Variants in SHC4 observed in about 807,000 individuals in gnomAD.
SHC4 encodes SHC-transforming protein 4.
SHC4 carries 41 observed loss-of-function variants against 69.4 expected under a neutral mutation model. The observed-to-expected ratio is 0.59, with a 90% CI of 0.46 to 0.77. SHC4 has a LOEUF of 0.77. Among genes scored for constraint, SHC4 ranks in the 30% least tolerant of loss-of-function variants. The pLI, the probability that SHC4 is intolerant of heterozygous loss-of-function variation, is 0.00. For missense variants in SHC4, 777 were observed against 783.8 expected (o/e 0.99, Z 0.10); for synonymous variants, 318 against 299.3 (o/e 1.06, Z -0.64).
chr15:48,832,726 C>T (rs1898829106), intron 11 of SHC4, among the ~76,000 whole-genome samples: 3 of 152,070 alleles, frequency 2.0e-5, no homozygotes, highest in Admixed American at 2.0e-4. Context: ...GCTTTCTTCA[C>T]TTTTTAAAAG....
rs762193745 is a variant in SHC4, at chr15:48,890,769, A to T, written c.699T>A (p.Asn233Lys). ...TTACCTTTCGCTTTTTAATGGCTCCATTTGCCCCGGGGACAGCTTCACACA... is the reference window on the plus strand; with the variant it reads ...TTACCTTTCGCTTTTTAATGGCTCCTTTTGCCCCGGGGACAGCTTCACACA... ...SRLCEAVPGA[N>K]GAIKKRKPPV... Residue 233 changes from asparagine (N) to lysine (K), a missense_variant, in exon 3 of 12, where the codon AAT becomes AAA. Transcript: ENST00000332408. 1.2e-6 allele frequency: 2 copies of T among 1,614,072 alleles called. No homozygotes were observed. The highest frequency in any genetic ancestry group is 1.7e-6 in the Non-Finnish European group (2 of 1,180,034).
chr15:48,837,013 T>C (rs766731845), intron 10 of SHC4, among the ~76,000 whole-genome samples: 3 of 152,206 alleles, frequency 2.0e-5, no homozygotes, highest in Non-Finnish European at 4.4e-5. Flanking sequence ...GGATAACTTC[T>C]AATGAGTAGC....
intron 10 of SHC4, among the ~76,000 whole-genome samples, chr15:48,835,437 A>T (rs2140967778): frequency 6.6e-6 from 1 of 152,320 alleles, no homozygotes; most frequent in African/African-American, 2.4e-5. Context: ...TAGCTATAAT[A>T]ACTTCAGGCC....
chr15:48,892,322 T>C (rs1299637878), intron 2 of SHC4, among the ~76,000 whole-genome samples: 1 of 152,196 alleles, frequency 6.6e-6, no homozygotes, highest in East Asian at 1.9e-4. Context: ...TAAATGAAAC[T>C]CTTCTTCAAG....
intron 6 of SHC4, among the ~76,000 whole-genome samples, chr15:48,860,463 C>T (rs780292627): frequency 1.3e-5 from 2 of 152,038 alleles, no homozygotes; most frequent in African/African-American, 2.4e-5. Context: ...GCCAAGATGG[C>T]GTCATTGCAC....
intron 11 of SHC4, among the ~76,000 whole-genome samples, chr15:48,830,613 G>T (rs1898778904): frequency 6.6e-6 from 1 of 152,108 alleles, no homozygotes; most frequent in Non-Finnish European, 1.5e-5. Flanking sequence ...AAAAGAAGAA[G>T]AACCCCCCAA....
intron 4 of SHC4, chr15:48,877,012 A>G (rs913363760): frequency 6.5e-6 from 1 of 154,178 alleles, no homozygotes; most frequent in Non-Finnish European, 1.4e-5. Flanking sequence ...TTGATATTGC[A>G]AATGACGGTG....
In SHC4 at chr15:48,824,047, A is replaced by AGCCC. The variant is rs1898645670; in HGVS notation, c.*1920_*1923dup. The AGCCC allele has an allele frequency of 6.6e-6, 1 of 152,238 alleles. No homozygotes were observed. Among genetic ancestry groups the AGCCC allele is most frequent in the African/African-American group, 2.4e-5 (1 of 41,470 alleles). The allele number at this position is 152,238 out of a possible 1,614,324, so 9.4% of individuals were successfully genotyped here. On this transcript the variant is annotated 3_prime_UTR_variant, in exon 12 of 12. Transcript: ENST00000332408. Reference sequence around the variant, plus strand: ...CTCTGCTCAGCTAGAGTGAGACCACAGCCCTGCTCTGTCTCTGATAAAAGT... The same window carrying AGCCC: ...CTCTGCTCAGCTAGAGTGAGACCACAGCCCGCCCTGCTCTGTCTCTGATAAAAGT...
At chr15:48,832,018 C>T (rs1441493067) in intron 11 of SHC4, among the ~76,000 whole-genome samples, 1 of 152,186 alleles carries the variant, frequency 6.6e-6, no homozygotes, top group East Asian at 1.9e-4. Context: ...CGCCTATAAT[C>T]CCAGCACTTT....
rs534648636 is a variant in SHC4 at position 48,875,726 on chromosome 15, C to T, written c.841-3584G>A. On this transcript the variant is annotated intron_variant, in intron 4 of 11. Transcript: ENST00000332408. ...GAAAGTGGAATCAGTCATTTTGCAT[C>T]GGTATATGCATGGGTGGAGCAGCTG... 2.0e-5 allele frequency among the ~76,000 whole-genome samples: 3 copies of T among 152,240 alleles called. No homozygotes were observed. The South Asian group carries it at 6.2e-4, about 32-fold the overall frequency.
chr15:48,899,813 A>G (rs1174243039), intron 2 of SHC4, among the ~76,000 whole-genome samples: 1 of 152,190 alleles, frequency 6.6e-6, no homozygotes, highest in African/African-American at 2.4e-5. Flanking sequence ...GTTCTTAAGA[A>G]TCAACTGGGT....
intron 10 of SHC4, among the ~76,000 whole-genome samples, chr15:48,842,887 T>A (rs1373452553): frequency 6.6e-6 from 1 of 152,024 alleles, no homozygotes; most frequent in Admixed American, 6.6e-5. Context: ...CCCGTGATCA[T>A]GCCACTGTAC....
intron 1 of SHC4, among the ~76,000 whole-genome samples, chr15:48,933,648 C>A (rs532486604): frequency 4.6e-5 from 7 of 152,258 alleles, no homozygotes; most frequent in Admixed American, 3.9e-4. Context: ...AAATAACCAG[C>A]ACAATCTTGA....
At chr15:48,839,833 G>A (rs764866685) in intron 10 of SHC4, among the ~76,000 whole-genome samples, 3 of 152,148 alleles carry the variant, frequency 2.0e-5, no homozygotes, top group South Asian at 2.1e-4. Context: ...AAAAGTTCAC[G>A]AATATTTGTG....
intron 6 of SHC4, among the ~76,000 whole-genome samples, chr15:48,862,506 C>T (rs1899465809): frequency 6.6e-6 from 1 of 152,086 alleles, no homozygotes; most frequent in Non-Finnish European, 1.5e-5. Context: ...GTGGGAACTG[C>T]CCTGATTTAA....
At chr15:48,832,180 G>A (rs1595724845) in intron 11 of SHC4, among the ~76,000 whole-genome samples, 1 of 152,264 alleles carries the variant, frequency 6.6e-6, no homozygotes, top group East Asian at 1.9e-4. Flanking sequence ...GCTGAGGCAG[G>A]AGAATCACTT....
chr15:48,946,554 T>C (rs1281379268), intron 1 of SHC4: 1 of 980,364 alleles, frequency 1.0e-6, no homozygotes, highest in Non-Finnish European at 1.2e-6. Context: ...AAAATCGGAT[T>C]CTTACATTTT....
intron 4 of SHC4, chr15:48,877,569 G>T (rs1899832781): frequency 2.0e-6 from 2 of 984,344 alleles, no homozygotes; most frequent in Non-Finnish European, 2.4e-6. Context: ...AATACACACC[G>T]CATTGCTAAT....
chr15:48,963,384 G>A lies in SHC4; in HGVS notation c.-369C>T, dbSNP rs1438662453. 1 of 247,430 alleles carries A rather than the reference G, an allele frequency of 4.0e-6. No homozygotes were observed. Among genetic ancestry groups the A allele is most frequent in the Non-Finnish European group, 7.8e-6 (1 of 128,428 alleles). 15.3% of individuals were successfully genotyped at this position (247,430 alleles called of 1,614,324 possible). A position where few individuals can be genotyped will look rare whatever the true frequency, so the allele number is the denominator to read the frequency against. On this transcript the variant is annotated 5_prime_UTR_variant, in exon 1 of 12. Coordinates refer to ENST00000332408, the MANE Select transcript of SHC4 (RefSeq NM_203349.4). ...GGGGGCCCGCTGCATCACTAGCCTT[G>A]CAGGAGCCTAGTAGAAATATTTAGC...
Sources: gnomAD v4.1 joint callset for allele counts (sites outside exome capture counted in the v4.1 genomes callset) on GRCh38, gnomAD v4.1.1 for gene constraint, MANE v1.5 for transcripts, NCBI Gene and HGNC (gene_info 2026-07-23, HGNC 2026-07-21) for gene names.